UNC13C: variants seen among roughly 807,000 people sequenced by gnomAD.
The protein encoded by UNC13C is unc-13 homolog C.
A neutral mutation model predicts 245.4 loss-of-function variants in UNC13C; 174 were observed. The ratio of observed to expected loss-of-function variants is 0.71; its 90% CI spans 0.63 to 0.80. The LOEUF (loss-of-function observed/expected upper bound fraction) is 0.80, where lower values mean the gene tolerates loss of function less well. UNC13C is among the 30% of genes least tolerant of loss of function. The pLI is 0.00. For missense variants in UNC13C, 2,829 were observed against 2,602.9 expected, an observed-to-expected ratio of 1.09 and a Z score of -1.89; for synonymous variants, 992 against 895.1, an observed-to-expected ratio of 1.11 and a Z score of -1.93.
At chr15:54,418,992 A>T (rs1478021077) in intron 19 of UNC13C, among the ~76,000 whole-genome samples, 1 of 152,056 alleles carries the variant, frequency 6.6e-6, no homozygotes, top group Non-Finnish European at 1.5e-5. Flanking sequence ...AGTTGAAACT[A>T]CTTGTTTTGT....
chr15:53,893,175 C>T, the UNC13C span, among the ~76,000 whole-genome samples: 1 of 152,178 alleles, frequency 6.6e-6, no homozygotes, highest in Non-Finnish European at 1.5e-5. Context: ...TGGATATCAC[C>T]AGCGAAGTCT....
intron 12 of UNC13C, among the ~76,000 whole-genome samples, chr15:54,299,477 T>C (rs2037520170): frequency 6.6e-6 from 1 of 152,166 alleles, no homozygotes; most frequent in African/African-American, 2.4e-5. Context: ...GCACTATAAT[T>C]TACTCAGAAT....
chr15:53,952,908 AT>A, the UNC13C span, among the ~76,000 whole-genome samples: 68 of 151,860 alleles, frequency 4.5e-4, no homozygotes, highest in African/African-American at 1.4e-3. Flanking sequence ...AGAGTGTCTA[AT>A]TTTTTTTTCC....
chr15:54,450,155 C>T (rs562732919), intron 19 of UNC13C, among the ~76,000 whole-genome samples: 1 of 152,166 alleles, frequency 6.6e-6, no homozygotes, highest in Non-Finnish European at 1.5e-5. Context: ...GGCTACCCAG[C>T]CACGATGAGG....
At chr15:54,274,328 A>G (rs1240780290) in intron 10 of UNC13C, among the ~76,000 whole-genome samples, 2 of 152,232 alleles carry the variant, frequency 1.3e-5, no homozygotes, top group Non-Finnish European at 2.9e-5. Flanking sequence ...AAATATCTAA[A>G]ACAAAACCCA....
At chr15:54,297,960 A>G in intron 12 of UNC13C, 34 bp downstream of exon 12, 1 of 1,291,836 alleles carries the variant, frequency 7.7e-7, no homozygotes. Flanking sequence ...TACAAAATAT[A>G]AGAAATGTTC....
chr15:54,579,217 G>A (rs1023919848), intron 30 of UNC13C, among the ~76,000 whole-genome samples: 1 of 152,142 alleles, frequency 6.6e-6, no homozygotes, highest in Non-Finnish European at 1.5e-5. Flanking sequence ...AATTACTTCT[G>A]TGTGATGAAA....
chr15:54,249,397 T>C (rs1023658559), intron 7 of UNC13C, among the ~76,000 whole-genome samples: 4 of 152,210 alleles, frequency 2.6e-5, no homozygotes, highest in Non-Finnish European at 5.9e-5. Flanking sequence ...CTTACATTTC[T>C]CCGTAGATTA....
chr15:54,007,475 G>A (rs920706921), intron 1 of UNC13C, among the ~76,000 whole-genome samples: 2 of 152,080 alleles, frequency 1.3e-5, no homozygotes, highest in African/African-American at 4.8e-5. Context: ...ATGGATGAAG[G>A]TGGAAGCCAT....
At chr15:54,129,190 T>C (rs1302640921) in intron 2 of UNC13C, among the ~76,000 whole-genome samples, 1 of 152,232 alleles carries the variant, frequency 6.6e-6, no homozygotes, top group Non-Finnish European at 1.5e-5. Context: ...GTTCCACTAA[T>C]GAATTTTACA....
intron 19 of UNC13C, among the ~76,000 whole-genome samples, chr15:54,456,108 A>G (rs908379570): frequency 1.3e-5 from 2 of 152,158 alleles, no homozygotes; most frequent in Admixed American, 1.3e-4. Flanking sequence ...TCCCAGCACC[A>G]TATGTTGAAT....
the UNC13C span, among the ~76,000 whole-genome samples, chr15:53,932,325 A>G: frequency 6.6e-6 from 1 of 151,364 alleles, no homozygotes; most frequent in African/African-American, 2.4e-5. Context: ...AACAACAACA[A>G]CAACAACAAC....
chr15:54,007,120 A>G (rs895574244), intron 1 of UNC13C, among the ~76,000 whole-genome samples: 1 of 152,248 alleles, frequency 6.6e-6, no homozygotes. Flanking sequence ...CTTTTAAATC[A>G]GCAATTATAG....
intron 2 of UNC13C, among the ~76,000 whole-genome samples, chr15:54,110,304 T>G (rs1229265492): frequency 6.6e-6 from 1 of 151,904 alleles, no homozygotes; most frequent in Non-Finnish European, 1.5e-5. Context: ...AGTATAAATA[T>G]TAATAGATAC....
At chr15:54,182,207 C>T (rs2033824617) in intron 4 of UNC13C, among the ~76,000 whole-genome samples, 1 of 151,882 alleles carries the variant, frequency 6.6e-6, no homozygotes, top group Admixed American at 6.6e-5. Flanking sequence ...TGGCATGTTC[C>T]TTCGATGCCT....
chr15:54,082,783 A>G (rs1395554630), intron 2 of UNC13C, among the ~76,000 whole-genome samples: 6 of 151,866 alleles, frequency 4.0e-5, no homozygotes, highest in South Asian at 4.2e-4. Flanking sequence ...TGACTATGGT[A>G]TATGTTGTGT....
intron 2 of UNC13C, among the ~76,000 whole-genome samples, chr15:54,044,819 C>T (rs1232769976): frequency 6.6e-6 from 1 of 152,076 alleles, no homozygotes; most frequent in Non-Finnish European, 1.5e-5. Flanking sequence ...TTGCCTTTCT[C>T]TAATTACTAA....
At chr15:54,312,922 T>G (rs1342241705) in intron 13 of UNC13C, among the ~76,000 whole-genome samples, 1 of 151,820 alleles carries the variant, frequency 6.6e-6, no homozygotes, top group African/African-American at 2.4e-5. Flanking sequence ...AAAAAGTTCC[T>G]TCCAGAAACT....
chr15:54,497,355 C>A (rs1482658540), intron 20 of UNC13C, among the ~76,000 whole-genome samples: 1 of 152,064 alleles, frequency 6.6e-6, no homozygotes, highest in African/African-American at 2.4e-5. Flanking sequence ...GCTTGCAGAG[C>A]AAACAGCCAA....
Sources: allele counts gnomAD v4.1 joint callset (sites outside exome capture counted in the v4.1 genomes callset), GRCh38; gene constraint gnomAD v4.1.1; transcripts MANE v1.5; gene names NCBI Gene and HGNC (gene_info 2026-07-23, HGNC 2026-07-21).